DPYS: variants seen among roughly 807,000 people sequenced by gnomAD.
DPYS encodes the protein dihydropyrimidine amidohydrolase.
Under a neutral mutation model 50.3 loss-of-function variants are expected in DPYS, and 39 were observed. The observed-to-expected ratio is 0.78, with a 90% confidence interval of 0.60 to 1.01. DPYS has a LOEUF of 1.01. Among genes scored for constraint, DPYS ranks in the 50% least tolerant of loss-of-function variants. The probability of loss-of-function intolerance (pLI) is 0.00; values close to 1 mark genes in which losing one functional copy is unlikely to be tolerated. For missense variants in DPYS, 659 were observed against 680.9 expected (o/e 0.97, Z 0.36); for synonymous variants, 245 against 250.7 (o/e 0.98, Z 0.22).
At chr8:104,453,496 T>C (rs368334869) in intron 1 of DPYS, among the ~76,000 whole-genome samples, 35 of 152,348 alleles carry the variant, frequency 2.3e-4, no homozygotes, top group East Asian at 1.3e-3. Flanking sequence ...TAGCATCTAC[T>C]GAACTAGAAA....
intron 7 of DPYS, among the ~76,000 whole-genome samples, chr8:104,405,124 C>T (rs1811951705): frequency 6.6e-6 from 1 of 152,224 alleles, no homozygotes; most frequent in South Asian, 2.1e-4. Context: ...GGCAGAGGGA[C>T]ACGAATGACT....
intron 7 of DPYS, among the ~76,000 whole-genome samples, chr8:104,393,624 C>T (rs559903670): frequency 4.5e-4 from 69 of 152,292 alleles, no homozygotes; most frequent in Admixed American, 2.8e-3. Context: ...CTGTGTCATA[C>T]ATTTGTCATC....
intron 4 of DPYS, among the ~76,000 whole-genome samples, chr8:104,430,529 T>G (rs1812918759): frequency 6.6e-6 from 1 of 152,202 alleles, no homozygotes; most frequent in Non-Finnish European, 1.5e-5. Context: ...AGAGAGATGC[T>G]GGCATACCAA....
intron 7 of DPYS, among the ~76,000 whole-genome samples, chr8:104,408,442 T>C (rs1297159141): frequency 6.6e-6 from 1 of 152,224 alleles, no homozygotes; most frequent in East Asian, 1.9e-4. Flanking sequence ...GAAAAAGTGT[T>C]CAATTTCCTT....
intron 1 of DPYS, among the ~76,000 whole-genome samples, chr8:104,454,829 T>C (rs1177183349): frequency 6.6e-6 from 1 of 151,992 alleles, no homozygotes; most frequent in African/African-American, 2.4e-5. Flanking sequence ...ACGGCTTGGA[T>C]TTCAATCAGG....
intron 4 of DPYS, among the ~76,000 whole-genome samples, chr8:104,434,496 G>C (rs1010359584): frequency 6.6e-6 from 1 of 152,166 alleles, no homozygotes; most frequent in Non-Finnish European, 1.5e-5. Flanking sequence ...AGATGGTTAA[G>C]GGGCCTTAGA....
chr8:104,397,650 A>G (rs1187834412), intron 7 of DPYS, among the ~76,000 whole-genome samples: 1 of 152,218 alleles, frequency 6.6e-6, no homozygotes, highest in Non-Finnish European at 1.5e-5. Flanking sequence ...GTTCACTAAT[A>G]CCTATAAATA....
intron 2 of DPYS, 54 bp from the exon 3 acceptor site, chr8:104,447,557 A>C (rs1467984123): frequency 1.3e-6 from 2 of 1,590,088 alleles, no homozygotes; most frequent in Admixed American, 1.7e-5. Flanking sequence ...TTAAATGATA[A>C]TTTCAACCTT....
chr8:104,383,329 C>CCCCT (rs1211789660), intron 8 of DPYS, among the ~76,000 whole-genome samples: 19 of 152,170 alleles, frequency 1.2e-4, no homozygotes, highest in African/African-American at 4.1e-4. Context: ...GGCCCTCTGT[C>CCCCT]CCCTATCCAC....
At chr8:104,438,334 T>C (rs534849807) in intron 4 of DPYS, among the ~76,000 whole-genome samples, 6 of 152,354 alleles carry the variant, frequency 3.9e-5, no homozygotes, top group East Asian at 3.9e-4. Flanking sequence ...AGAAGGCATA[T>C]ATTTCTTTTC....
rs1814446800 is a variant in DPYS, at chr8:104,467,030, C to T, written c.-110G>A. 5.5e-6 allele frequency: 7 copies of T among 1,277,374 alleles called. No individual in the cohort carries two copies. Among genetic ancestry groups the T allele is most frequent in the African/African-American group, 1.6e-5 (1 of 63,212 alleles). The allele number at this position is 1,277,374 out of a possible 1,614,324, so 79.1% of individuals were successfully genotyped here. On this transcript the variant is annotated 5_prime_UTR_variant, in exon 1 of 10. Transcript: ENST00000351513. ...CTGCAAGGTCCCCACCGACAGCCCC[C>T]GAGCTCTGCCTCAGGCTGCAAATCC...
chr8:104,460,468 T>C (rs1814084994), intron 1 of DPYS, among the ~76,000 whole-genome samples: 1 of 152,200 alleles, frequency 6.6e-6, no homozygotes, highest in South Asian at 2.1e-4. Context: ...CGGTCATGCC[T>C]CCTGTACAGC....
chr8:104,428,081 T>C lies in DPYS; in HGVS notation c.991A>G (p.Asn331Asp). 6.2e-7 allele frequency: 1 copy of C among 1,614,234 alleles called. No individual in the cohort carries two copies. ...TTTGTDNCTF[N>D]TCQKALGKDD... ...TTCCCAAGAGCTTTCTGGCAGGTGT[T>C]GAAAGTGCAGTTATCAGTCCCTGTT... is the stretch of plus-strand genomic sequence containing the variant. The change falls in exon 6 of 10, where the codon AAC (asparagine) becomes GAC (aspartate). Residue 331 changes from asparagine (N) to aspartate (D), a missense_variant. Coordinates refer to ENST00000351513, the MANE Select transcript of DPYS (RefSeq NM_001385.3).
intron 8 of DPYS, among the ~76,000 whole-genome samples, chr8:104,382,611 G>A (rs1327): frequency 0.36 from 54,306 of 149,822 alleles, 13,216 homozygotes; most frequent in African/African-American, 0.69. Context: ...TTAAACCTAG[G>A]GTGACTGTAC....
rs1284757445 is a variant in DPYS, at chr8:104,437,560, G to GTT, written c.793+6686_793+6687dup. Among the ~76,000 whole-genome samples, 7 of 152,294 alleles carry GTT rather than the reference G, an allele frequency of 4.6e-5. No individual in the cohort carries two copies. The South Asian group carries it at 1.5e-3, about 32-fold the overall frequency. On this transcript the variant is annotated intron_variant, in intron 4 of 9. Transcript: ENST00000351513. ...GGCCTAAAAAAATGAGGAACTCTCA[G>GTT]TTCCAGGAATTCCCTGCCCCTTTCC... is the stretch of plus-strand genomic sequence containing the variant.
At chr8:104,424,172 C>T in intron 7 of DPYS, 75 bp downstream of exon 7, 1 of 1,611,170 alleles carries the variant, frequency 6.2e-7, no homozygotes, top group Middle Eastern at 1.7e-4. Flanking sequence ...CTGATTAATG[C>T]CAAAGCATTA....
intron 1 of DPYS, among the ~76,000 whole-genome samples, chr8:104,454,040 G>A (rs748604755): frequency 1.3e-5 from 2 of 152,184 alleles, no homozygotes; most frequent in African/African-American, 2.4e-5. Flanking sequence ...TGGGTGGGAT[G>A]AGGAGAGTCC....
chr8:104,399,011 C>A (rs1811686543), intron 7 of DPYS, among the ~76,000 whole-genome samples: 1 of 152,128 alleles, frequency 6.6e-6, no homozygotes, highest in African/African-American at 2.4e-5. Context: ...AGAAAACAGG[C>A]CAGGCATGGT....
chr8:104,401,453 G>A (rs1050533905), intron 7 of DPYS, among the ~76,000 whole-genome samples: 5 of 152,032 alleles, frequency 3.3e-5, no homozygotes, highest in East Asian at 1.9e-4. Flanking sequence ...TGGGCCTTTC[G>A]CTTCAGAGGT....
Sources: gnomAD v4.1 joint callset for allele counts (sites outside exome capture counted in the v4.1 genomes callset) on GRCh38, gnomAD v4.1.1 for gene constraint, MANE v1.5 for transcripts, NCBI Gene and HGNC (gene_info 2026-07-23, HGNC 2026-07-21) for gene names.